PLBD1: variants seen among roughly 807,000 people sequenced by gnomAD.
The protein encoded by PLBD1 is lysosomal leucine aminopeptidase.
A neutral mutation model predicts 63.0 loss-of-function variants in PLBD1; 60 were observed. The ratio of observed to expected loss-of-function variants is 0.95; its 90% confidence interval spans 0.77 to 1.18. The LOEUF (loss-of-function observed/expected upper bound fraction) is 1.18, where lower values mean the gene tolerates loss of function less well. Among genes scored for constraint, PLBD1 ranks in the 50% most tolerant of loss-of-function variants. The probability of loss-of-function intolerance (pLI) is 0.00; values close to 1 mark genes in which losing one functional copy is unlikely to be tolerated. For synonymous variants in PLBD1, 262 were observed against 248.0 expected (o/e 1.06, Z -0.53); for missense variants, 598 against 677.9 (o/e 0.88, Z 1.31).
chr12:14,537,639 G>A (rs1184890836), intron 4 of PLBD1, among the ~76,000 whole-genome samples: 3 of 152,168 alleles, frequency 2.0e-5, no homozygotes, highest in Non-Finnish European at 2.9e-5. Flanking sequence ...TGGAGAGCAC[G>A]GCTCCAGGAA....
chr12:14,553,094 C>T, intron 2 of PLBD1, 99 bp downstream of exon 2: 2 of 1,070,324 alleles, frequency 1.9e-6, no homozygotes, highest in Non-Finnish European at 2.8e-6. Context: ...AGCTACTCTT[C>T]AGTTCTAATG....
intron 6 of PLBD1, among the ~76,000 whole-genome samples, chr12:14,526,865 G>A (rs1227548988): frequency 1.3e-5 from 2 of 152,106 alleles, no homozygotes; most frequent in African/African-American, 2.4e-5. Context: ...CCAGCTACTC[G>A]GGAGGATGAG....
chr12:14,536,468 T>TA, intron 5 of PLBD1, 102 bp downstream of exon 5: 1 of 1,293,298 alleles, frequency 7.7e-7, no homozygotes. Context: ...TGAGCTGATA[T>TA]ACAGTTATAG....
chr12:14,509,518 C>T (rs1379304897), intron 8 of PLBD1, among the ~76,000 whole-genome samples: 1 of 152,224 alleles, frequency 6.6e-6, no homozygotes, highest in Non-Finnish European at 1.5e-5. Context: ...GGTAGGTCCA[C>T]TGCTTGGTAG....
At chr12:14,540,944 C>T in intron 3 of PLBD1, 42 bp from the exon 4 acceptor site, 1 of 1,530,084 alleles carries the variant, frequency 6.5e-7, no homozygotes, top group Non-Finnish European at 8.9e-7. Flanking sequence ...TCAATAGTTG[C>T]TCATTCAAAG....
intron 4 of PLBD1, among the ~76,000 whole-genome samples, chr12:14,538,871 C>G (rs543487273): frequency 6.6e-6 from 1 of 151,974 alleles, no homozygotes; most frequent in African/African-American, 2.4e-5. Context: ...ATTAAAAATA[C>G]AAAAATTAGC....
chr12:14,548,480 AAAG>A (rs1223430293), intron 2 of PLBD1, among the ~76,000 whole-genome samples: 29 of 102,658 alleles, frequency 2.8e-4, no homozygotes, highest in Middle Eastern at 4.7e-3. Context: ...AAAAAAAAAA[AAAG>A]AAGAAGAAGA....
intron 2 of PLBD1, among the ~76,000 whole-genome samples, chr12:14,549,860 T>G (rs4764102): frequency 0.91 from 138,579 of 152,118 alleles, 64,043 homozygotes; most frequent in East Asian, 0.99. Context: ...TAGAGACGGG[T>G]TTTCGCCATG....
chr12:14,539,136 T>TG (rs1232421709), intron 4 of PLBD1, among the ~76,000 whole-genome samples: 3 of 152,224 alleles, frequency 2.0e-5, no homozygotes, highest in African/African-American at 7.2e-5. Context: ...ATATTTGCAT[T>TG]TCTTTTGTTA....
At position 14,551,146 on chromosome 12, in the gene PLBD1, C is replaced by A. The variant is rs191324309; in HGVS notation, c.335+2047G>T. Among the ~76,000 whole-genome samples the A allele has an allele frequency of 1.0e-3, 158 of 151,950 alleles. 1 individual carries two copies. The highest frequency in any genetic ancestry group is 3.7e-3 in the African/African-American group (154 of 41,480). On this transcript the variant is annotated intron_variant, in intron 2 of 10. Transcript: ENST00000240617. ...TTGGGAGGACAAGGTGGGAGGATCA[C>A]GAGGTCAGGAGTTCGAGACCAGCCT...
At chr12:14,526,662 A>G (rs1310141612) in intron 6 of PLBD1, among the ~76,000 whole-genome samples, 1 of 152,182 alleles carries the variant, frequency 6.6e-6, no homozygotes, top group African/African-American at 2.4e-5. Flanking sequence ...ATATGAAAGT[A>G]CTGGAGGAGC....
At chr12:14,510,466 A>G (rs1178414086) in intron 8 of PLBD1, among the ~76,000 whole-genome samples, 2 of 152,250 alleles carry the variant, frequency 1.3e-5, no homozygotes, top group African/African-American at 2.4e-5. Flanking sequence ...AAGTGAGTTC[A>G]GATCAGGTCA....
chr12:14,528,976 C>T (rs993468750), intron 6 of PLBD1, among the ~76,000 whole-genome samples: 4 of 152,030 alleles, frequency 2.6e-5, no homozygotes, highest in African/African-American at 9.7e-5. Flanking sequence ...CAATTAATAA[C>T]TTTTCAACAA....
At chr12:14,525,628 TA>T (rs1375275757) in intron 6 of PLBD1, among the ~76,000 whole-genome samples, 1 of 151,774 alleles carries the variant, frequency 6.6e-6, no homozygotes, top group East Asian at 1.9e-4. Flanking sequence ...ACCAAAAATC[TA>T]AATGCAGAAA....
intron 1 of PLBD1, among the ~76,000 whole-genome samples, chr12:14,558,317 C>T (rs985066964): frequency 6.6e-6 from 1 of 152,044 alleles, no homozygotes; most frequent in Non-Finnish European, 1.5e-5. Flanking sequence ...AAATAATTTG[C>T]CAATAAACTG....
chr12:14,523,211 T>C (rs1222200972), intron 6 of PLBD1, among the ~76,000 whole-genome samples: 1 of 151,856 alleles, frequency 6.6e-6, no homozygotes, highest in African/African-American at 2.4e-5. Context: ...TATATGACAA[T>C]AGCAGACAAT....
rs1296677351 is a variant in PLBD1, at chr12:14,503,723, G to A, written c.*49C>T. On this transcript the variant is annotated 3_prime_UTR_variant, in exon 11 of 11. Coordinates refer to ENST00000240617, the MANE Select transcript of PLBD1 (RefSeq NM_024829.6). ...TGATGGGAAAAACATAGCTAAAATA[G>A]TGCCTTTGGTATCTTATTTACAGTC... The A allele has an allele frequency of 2.0e-6, 3 of 1,472,610 alleles. No individual in the cohort carries two copies. In the African/African-American group the frequency reaches 4.2e-5, roughly 21 times the overall value. 91.2% of individuals were successfully genotyped at this position (1,472,610 alleles called of 1,614,324 possible).
intron 1 of PLBD1, among the ~76,000 whole-genome samples, chr12:14,561,718 G>T (rs1033492122): frequency 1.3e-5 from 2 of 152,108 alleles, no homozygotes; most frequent in African/African-American, 4.8e-5. Flanking sequence ...CGCCACACCT[G>T]GCTAATTTTG....
intron 6 of PLBD1, among the ~76,000 whole-genome samples, chr12:14,522,418 G>C: frequency 6.6e-6 from 1 of 151,870 alleles, no homozygotes; most frequent in East Asian, 1.9e-4. Flanking sequence ...TCACTGATGA[G>C]TTCTACCAAA....
Sources: allele counts gnomAD v4.1 joint callset (sites outside exome capture counted in the v4.1 genomes callset), GRCh38; gene constraint gnomAD v4.1.1; transcripts MANE v1.5; gene names NCBI Gene and HGNC (gene_info 2026-07-23, HGNC 2026-07-21).